Variants in AZI2 observed in about 807,000 individuals in gnomAD.
AZI2 encodes the protein 5-azacytidine induced 2, also known as 5-azacytidine-induced protein 2.
A neutral mutation model predicts 45.8 loss-of-function variants in AZI2; 22 were observed. That is an observed-to-expected ratio of 0.48 (90% CI 0.34 to 0.69). The LOEUF (loss-of-function observed/expected upper bound fraction) is 0.69. Among genes scored for constraint, AZI2 ranks in the 30% least tolerant of loss-of-function variants. The pLI, the probability that AZI2 is intolerant of heterozygous loss-of-function variation, is 0.01. For synonymous variants in AZI2, 137 were observed against 156.7 expected (o/e 0.87, Z 0.94); for missense variants, 417 against 441.5 (o/e 0.94, Z 0.50).
At chr3:28,347,491 G>A (rs1325881553) in intron 1 of AZI2, among the ~76,000 whole-genome samples, 1 of 152,182 alleles carries the variant, frequency 6.6e-6, no homozygotes, top group Non-Finnish European at 1.5e-5. Flanking sequence ...TCCAGAGCCA[G>A]CATAACTCTT....
intron 5 of AZI2, among the ~76,000 whole-genome samples, chr3:28,332,927 T>G (rs1703645635): frequency 6.6e-6 from 1 of 151,810 alleles, no homozygotes; most frequent in Non-Finnish European, 1.5e-5. Flanking sequence ...GGATTAAAAA[T>G]GACCTGGCAA....
intron 7 of AZI2, among the ~76,000 whole-genome samples, chr3:28,325,709 T>C (rs371699531): frequency 8.6e-5 from 13 of 151,212 alleles, no homozygotes; most frequent in African/African-American, 2.9e-4. Context: ...CAAAGCTACA[T>C]TGAAAACTCA....
In AZI2 at chr3:28,324,063, C is replaced by T. The variant is rs1266009082; in HGVS notation, c.1158G>A (p.Gln386=). The change falls in exon 8 of 8, where the codon CAG becomes CAA. Residue 386 remains glutamine (Q), a synonymous_variant. Transcript: ENST00000479665. ...CAAATTAATTCTTATAAAGGCAGTT[C>T]TGATTATGTTGATCCAAGTAATGCA... ...PPLHYLDQHN[Q]NCLYKN is the part of the protein sequence containing the mutation. 6.2e-7 allele frequency: 1 copy of T among 1,608,028 alleles called. No individual in the cohort carries two copies. The highest frequency in any genetic ancestry group is 1.1e-5 in the South Asian group (1 of 90,610).
In AZI2 at chr3:28,322,182, A is replaced by ACTT. The variant is rs1233001338; in HGVS notation, c.*1857_*1859dup. 2 of 151,126 alleles carry ACTT rather than the reference A, an allele frequency of 1.3e-5. No homozygotes were observed. Among genetic ancestry groups the ACTT allele is most frequent in the Admixed American group, 1.3e-4 (2 of 15,108 alleles). The allele number at this position is 151,126 out of a possible 1,614,324, so 9.4% of individuals were successfully genotyped here. A position where few individuals can be genotyped will look rare whatever the true frequency, so the allele number is the denominator to read the frequency against. Reference sequence around the variant, plus strand: ...ACACTTTAAACTGTCACAGTCACTGACTTTTTAGTATACCTGTTTGATAGC... The same window carrying ACTT: ...ACACTTTAAACTGTCACAGTCACTGACTTCTTTTTAGTATACCTGTTTGATAGC... On this transcript the variant is annotated 3_prime_UTR_variant, in exon 8 of 8. Coordinates refer to ENST00000479665, the MANE Select transcript of AZI2 (RefSeq NM_022461.5).
intron 1 of AZI2, among the ~76,000 whole-genome samples, chr3:28,344,053 T>C (rs1231576814): frequency 1.3e-5 from 2 of 152,036 alleles, no homozygotes; most frequent in Non-Finnish European, 2.9e-5. Flanking sequence ...ATTTATTCTA[T>C]ACACTATAAA....
At chr3:28,328,242 A>G (rs1373122406) in intron 6 of AZI2, among the ~76,000 whole-genome samples, 1 of 151,120 alleles carries the variant, frequency 6.6e-6, no homozygotes, top group Non-Finnish European at 1.5e-5. Context: ...ACCAAAAAAC[A>G]TCTGAGTTGT....
chr3:28,345,537 T>G (rs932170125), intron 1 of AZI2, among the ~76,000 whole-genome samples: 6 of 152,106 alleles, frequency 3.9e-5, no homozygotes, highest in Non-Finnish European at 8.8e-5. Context: ...TAGAAAAGAT[T>G]GAGGTAAACA....
In AZI2 at chr3:28,338,001, A is replaced by G. The variant is rs374927726; in HGVS notation, c.375T>C (p.Asn125=). The G allele has an allele frequency of 1.9e-5, 31 of 1,596,578 alleles. No individual in the cohort carries two copies. Among genetic ancestry groups the G allele is most frequent in the Non-Finnish European group, 2.4e-5 (28 of 1,170,808 alleles). ...CTACTTCTTTAGATTGTAGCTGCTC[A>G]TTCAATACTTTCAAAGATTCAGAGT... ...KDNSESLKVL[N]EQLQSKEVEL... The change falls in exon 4 of 8, where the codon AAT becomes AAC. Residue 125 remains asparagine, a synonymous_variant. Coordinates refer to ENST00000479665, the MANE Select transcript of AZI2 (RefSeq NM_022461.5).
intron 5 of AZI2, among the ~76,000 whole-genome samples, chr3:28,333,600 G>C (rs1239063896): frequency 1.3e-5 from 2 of 151,462 alleles, no homozygotes; most frequent in Non-Finnish European, 3.0e-5. Flanking sequence ...AAATTTGACA[G>C]TTTGAGTGGG....
At chr3:28,335,535 G>C (rs1203518860) in intron 5 of AZI2, among the ~76,000 whole-genome samples, 1 of 151,926 alleles carries the variant, frequency 6.6e-6, no homozygotes, top group East Asian at 1.9e-4. Flanking sequence ...AGTAATTTTT[G>C]TAGTGTTTCC....
chr3:28,342,763 G>A (rs1283523299), intron 1 of AZI2, among the ~76,000 whole-genome samples: 1 of 150,600 alleles, frequency 6.6e-6, no homozygotes, highest in African/African-American at 2.4e-5. Flanking sequence ...CTTAAAAGTA[G>A]AGCAAGTAAA....
At chr3:28,325,137 A>C (rs1231114703) in intron 7 of AZI2, 2 of 150,236 alleles carry the variant, frequency 1.3e-5, no homozygotes, top group African/African-American at 2.4e-5. Context: ...AAAAAAAAAA[A>C]AAAAACAGCC....
At position 28,329,716 on chromosome 3, in the gene AZI2, G is replaced by A. The variant is rs546778468; in HGVS notation, c.647+2653C>T. Among the ~76,000 whole-genome samples the A allele has an allele frequency of 6.6e-5, 10 of 151,200 alleles. No individual in the cohort carries two copies. The South Asian group carries it at 2.1e-3, about 31-fold the overall frequency. ...ATCATCACAGTAGAATTAAACTATGGGATATTCTTAGCCAAGAGTTATAGA... is the reference window on the plus strand; with the variant it reads ...ATCATCACAGTAGAATTAAACTATGAGATATTCTTAGCCAAGAGTTATAGA... On this transcript the variant is annotated intron_variant, in intron 6 of 7. Transcript: ENST00000479665.
At position 28,324,229 on chromosome 3, in the gene AZI2, G is replaced by A; in HGVS notation, c.992C>T (p.Thr331Ile). The change falls in exon 8 of 8, where the codon ACA becomes ATA. Residue 331 changes from threonine to isoleucine, a missense_variant. Physicochemically the swap from Thr to Ile is moderately conservative, Grantham distance 89. Coordinates refer to ENST00000479665, the MANE Select transcript of AZI2 (RefSeq NM_022461.5). ...ATAAGAACTGTGTTCCTGAAAGCATGTACCATCATTAGGAATGGATCTCTC... is the reference window on the plus strand; with the variant it reads ...ATAAGAACTGTGTTCCTGAAAGCATATACCATCATTAGGAATGGATCTCTC... Reference protein sequence around the residue: ...DNERSIPNDGTCFQEHSSYGR... With the variant: ...DNERSIPNDGICFQEHSSYGR... 1 of 1,610,434 alleles carries A rather than the reference G, an allele frequency of 6.2e-7. No homozygotes were observed.
chr3:28,330,600 G>A (rs1050097920), intron 6 of AZI2, among the ~76,000 whole-genome samples: 1 of 151,278 alleles, frequency 6.6e-6, no homozygotes, highest in African/African-American at 2.4e-5. Context: ...ATGCAGTGGA[G>A]AATGAGGTTA....
In AZI2 at chr3:28,321,272, T is replaced by C. The variant is rs1473804060; in HGVS notation, c.*2770A>G. Reference sequence around the variant, plus strand: ...TTCCTAGAGCACAGGAAGTTAACTGTTTTTAGAGATAAATGAAAATGGAAG... The same window carrying C: ...TTCCTAGAGCACAGGAAGTTAACTGCTTTTAGAGATAAATGAAAATGGAAG... On this transcript the variant is annotated 3_prime_UTR_variant, in exon 8 of 8. Coordinates refer to ENST00000479665, the MANE Select transcript of AZI2 (RefSeq NM_022461.5). 6.6e-6 allele frequency: 1 copy of C among 151,324 alleles called. No homozygotes were observed. The highest frequency in any genetic ancestry group is 1.5e-5 in the Non-Finnish European group (1 of 67,536). 9.4% of individuals were successfully genotyped at this position (151,324 alleles called of 1,614,324 possible).
chr3:28,329,773 C>A lies in AZI2; in HGVS notation c.647+2596G>T, dbSNP rs78887622. On this transcript the variant is annotated intron_variant, in intron 6 of 7. Transcript: ENST00000479665. The stretch of plus-strand genomic sequence containing the variant: ...AGTGTGTATTTTGACAACTGCGGTT[C>A]CCCCCAAACAAGTGGCTCTCATTTT... 4.0e-5 allele frequency among the ~76,000 whole-genome samples: 6 copies of A among 151,056 alleles called. No individual in the cohort carries two copies. In the Admixed American group the frequency reaches 4.0e-4, roughly 10 times the overall value.
chr3:28,340,505 T>C lies in AZI2; in HGVS notation c.113A>G (p.His38Arg). ...IYSGDESVAS[H>R]FALVTAYEDI... Reference sequence around the variant, plus strand: ...TTCATATGCAGTGACAAGAGCAAAATGGGAAGCAACAGATTCATCTCCTGA... The same window carrying C: ...TTCATATGCAGTGACAAGAGCAAAACGGGAAGCAACAGATTCATCTCCTGA... The change falls in exon 2 of 8, where the codon CAT becomes CGT. Residue 38 changes from histidine (H) to arginine (R), a missense_variant. Transcript: ENST00000479665. The C allele has an allele frequency of 6.2e-7, 1 of 1,612,920 alleles. No individual in the cohort carries two copies. Among genetic ancestry groups the C allele is most frequent in the Non-Finnish European group, 8.5e-7 (1 of 1,179,236 alleles).
At chr3:28,325,359 G>T (rs1350183948) in intron 7 of AZI2, among the ~76,000 whole-genome samples, 1 of 151,032 alleles carries the variant, frequency 6.6e-6, no homozygotes, top group Non-Finnish European at 1.5e-5. Flanking sequence ...GAAACAGATT[G>T]AACGACATTA....
Sources: allele counts gnomAD v4.1 joint callset (sites outside exome capture counted in the v4.1 genomes callset), GRCh38; gene constraint gnomAD v4.1.1; transcripts MANE v1.5; gene names NCBI Gene and HGNC (gene_info 2026-07-23, HGNC 2026-07-21).